Variants in TACR3 observed in about 807,000 individuals in gnomAD.
The protein encoded by TACR3 is neuromedin-K receptor.
In TACR3, 34 loss-of-function variants were observed where a neutral mutation model predicts 35.0. That is an observed-to-expected ratio of 0.97 (90% CI 0.74 to 1.30). The LOEUF (loss-of-function observed/expected upper bound fraction) is 1.30. Ranked by LOEUF, TACR3 falls within the 50% of genes most tolerant of loss-of-function variation. TACR3 has a pLI of 0.00. For synonymous variants in TACR3, 233 were observed against 221.1 expected, an observed-to-expected ratio of 1.05 and a Z score of -0.48; for missense variants, 558 against 591.7, an observed-to-expected ratio of 0.94 and a Z score of 0.59.
intron 1 of TACR3, among the ~76,000 whole-genome samples, chr4:103,695,222 C>T (rs1439519120): frequency 6.6e-6 from 1 of 152,130 alleles, no homozygotes; most frequent in African/African-American, 2.4e-5. Flanking sequence ...TGACTTTGGA[C>T]AACATGAGTT....
chr4:103,647,390 A>T (rs1979478), intron 3 of TACR3, among the ~76,000 whole-genome samples: 1 of 151,920 alleles, frequency 6.6e-6, no homozygotes, highest in African/African-American at 2.4e-5. Context: ...ATTATTCTCA[A>T]ATTGGAATGT....
chr4:103,601,767 A>C (rs1371709200), intron 3 of TACR3, among the ~76,000 whole-genome samples: 1 of 152,182 alleles, frequency 6.6e-6, no homozygotes, highest in East Asian at 1.9e-4. Context: ...TGTTAGTCTG[A>C]TGGGCTTCCC....
chr4:103,684,494 C>G (rs1359119456), intron 1 of TACR3, among the ~76,000 whole-genome samples: 2 of 151,936 alleles, frequency 1.3e-5, no homozygotes, highest in Non-Finnish European at 2.9e-5. Flanking sequence ...ATGTAGCTAT[C>G]AAAACATGCA....
chr4:103,631,130 G>T (rs946511913), intron 3 of TACR3, among the ~76,000 whole-genome samples: 14 of 152,062 alleles, frequency 9.2e-5, no homozygotes, highest in African/African-American at 3.4e-4. Flanking sequence ...TGAACGATGA[G>T]AACACTGGGA....
At chr4:103,616,678 G>A (rs1315787838) in intron 3 of TACR3, among the ~76,000 whole-genome samples, 3 of 152,188 alleles carry the variant, frequency 2.0e-5, no homozygotes, top group African/African-American at 7.2e-5. Context: ...CAGGCGCAGT[G>A]GCTCACGCCT....
chr4:103,672,674 T>C (rs1368665597), intron 1 of TACR3, among the ~76,000 whole-genome samples: 1 of 152,154 alleles, frequency 6.6e-6, no homozygotes, highest in Non-Finnish European at 1.5e-5. Context: ...CCTAGGATTT[T>C]TGGAATAACA....
At chr4:103,708,070 T>C (rs2110228513) in intron 1 of TACR3, among the ~76,000 whole-genome samples, 1 of 152,304 alleles carries the variant, frequency 6.6e-6, no homozygotes, top group East Asian at 1.9e-4. Context: ...ACTCCACCTC[T>C]GGGGGCAGGG....
intron 1 of TACR3, among the ~76,000 whole-genome samples, chr4:103,711,364 G>C (rs1031829224): frequency 6.6e-6 from 1 of 152,078 alleles, no homozygotes; most frequent in Non-Finnish European, 1.5e-5. Context: ...ACATAATCCA[G>C]CATATAAACA....
intron 3 of TACR3, among the ~76,000 whole-genome samples, chr4:103,604,952 G>A (rs1444210970): frequency 9.3e-5 from 11 of 118,008 alleles, no homozygotes; most frequent in African/African-American, 3.2e-4. Flanking sequence ...CTAGCATTAG[G>A]TATATCTCCC....
At chr4:103,673,844 C>T (rs1391099398) in intron 1 of TACR3, among the ~76,000 whole-genome samples, 7 of 152,082 alleles carry the variant, frequency 4.6e-5, no homozygotes, top group Admixed American at 4.6e-4. Flanking sequence ...GTAGTCAATG[C>T]TTTATAGAGA....
In TACR3 at chr4:103,658,406, A is replaced by G. The variant is rs544776279; in HGVS notation, c.549-3T>C. On this transcript the variant is annotated splice_polypyrimidine_tract_variant and splice_region_variant and intron_variant, in intron 1 of 4. Transcript: ENST00000304883. ...AGGGATCAATAATAGCCATATACCT[A>G]TATAAAAACAAACAAAACCATTTCA... 6.2e-7 allele frequency: 1 copy of G among 1,612,676 alleles called. No homozygotes were observed. The highest frequency in any genetic ancestry group is 1.3e-5 in the African/African-American group (1 of 74,998).
intron 1 of TACR3, among the ~76,000 whole-genome samples, chr4:103,717,527 C>G (rs1723115736): frequency 6.6e-6 from 1 of 152,008 alleles, no homozygotes; most frequent in African/African-American, 2.4e-5. Flanking sequence ...AAAATACAAC[C>G]TTTTTTTCCC....
chr4:103,674,073 T>C (rs1417205724), intron 1 of TACR3, among the ~76,000 whole-genome samples: 1 of 152,172 alleles, frequency 6.6e-6, no homozygotes, highest in Non-Finnish European at 1.5e-5. Context: ...GTAGGAGCAA[T>C]AGACTTATTG....
chr4:103,713,358 G>A lies in TACR3; in HGVS notation c.548+5770C>T, dbSNP rs143936760. 2.7e-5 allele frequency among the ~76,000 whole-genome samples: 4 copies of A among 150,906 alleles called. No homozygotes were observed. In the South Asian group the frequency reaches 6.3e-4, roughly 24 times the overall value. On this transcript the variant is annotated intron_variant, in intron 1 of 4. Coordinates refer to ENST00000304883, the MANE Select transcript of TACR3 (RefSeq NM_001059.3). ...GAAGCTGGAAACCATCATTCTCAGC[G>A]AACTATTGCAATGACAAAAAACCAA...
chr4:103,598,147 A>C (rs549903332), intron 3 of TACR3, among the ~76,000 whole-genome samples: 37 of 152,254 alleles, frequency 2.4e-4, no homozygotes, highest in African/African-American at 7.9e-4. Context: ...TCACCATTCT[A>C]ACTGGTGTGA....
intron 3 of TACR3, among the ~76,000 whole-genome samples, chr4:103,650,500 A>ATATATATTTATATATAAATATGTATTATT (rs1725567178): frequency 7.4e-6 from 1 of 135,822 alleles, no homozygotes; most frequent in African/African-American, 2.7e-5. Context: ...TGTATTATTT[A>ATATATATTTATATATAAATATGTATTATT]TATATATTTA....
At chr4:103,591,244 T>C (rs1467841325) in intron 4 of TACR3, 17 of 517,564 alleles carry the variant, frequency 3.3e-5, no homozygotes, top group Middle Eastern at 5.1e-4. Flanking sequence ...AGTTGGCCCA[T>C]AGAAGAATCA....
intron 1 of TACR3, among the ~76,000 whole-genome samples, chr4:103,713,728 T>C (rs1723024432): frequency 6.6e-6 from 1 of 152,000 alleles, no homozygotes; most frequent in East Asian, 1.9e-4. Flanking sequence ...ATGAGATTGG[T>C]TGGGGACAGG....
intron 3 of TACR3, among the ~76,000 whole-genome samples, chr4:103,625,634 A>C (rs894104453): frequency 2.0e-5 from 3 of 152,134 alleles, no homozygotes; most frequent in Admixed American, 1.3e-4. Context: ...CTTGCCATGA[A>C]ACCTGTATCT....
Sources: gnomAD v4.1 joint callset for allele counts (sites outside exome capture counted in the v4.1 genomes callset) on GRCh38, gnomAD v4.1.1 for gene constraint, MANE v1.5 for transcripts, NCBI Gene and HGNC (gene_info 2026-07-23, HGNC 2026-07-21) for gene names.